Variants in PIK3C2B observed in about 807,000 individuals in gnomAD.
The protein encoded by PIK3C2B is phosphatidylinositol 4-phosphate 3-kinase C2 domain-containing subunit beta.
PIK3C2B carries 83 observed loss-of-function variants against 184.3 expected under a neutral mutation model. That is an observed-to-expected ratio of 0.45 (90% confidence interval 0.38 to 0.54). The LOEUF is 0.54. Among genes scored for constraint, PIK3C2B ranks in the 20% least tolerant of loss-of-function variants. The probability of loss-of-function intolerance (pLI) is 0.00; values close to 1 mark genes in which losing one functional copy is unlikely to be tolerated. For synonymous variants in PIK3C2B, 779 were observed against 837.6 expected (o/e 0.93, Z 1.21); for missense variants, 1,736 against 2,113.5 (o/e 0.82, Z 3.50).
intron 1 of PIK3C2B, among the ~76,000 whole-genome samples, chr1:204,478,018 G>A (rs908085064): frequency 7.2e-5 from 11 of 152,132 alleles, no homozygotes; most frequent in African/African-American, 2.4e-4. Context: ...AAGCAAGGCG[G>A]TGAAGAATAT....
Position 204,450,023 on chromosome 1 carries a change from G to C in PIK3C2B, c.2067-6C>G. On this transcript the variant is annotated splice_region_variant and splice_polypyrimidine_tract_variant and intron_variant, in intron 12 of 32. Coordinates refer to ENST00000684373, the MANE Select transcript of PIK3C2B (RefSeq NM_001377334.1). ...CCTGCACTGGGAAGCAGATCCTATG[G>C]AGGACAGGAAGTCAAATTAGGAGGG... 6.5e-7 allele frequency: 1 copy of C among 1,549,392 alleles called. No individual in the cohort carries two copies. The highest frequency in any genetic ancestry group is 8.7e-7 in the Non-Finnish European group (1 of 1,145,350).
chr1:204,491,827 A>T (rs1658033912), intron 1 of PIK3C2B, among the ~76,000 whole-genome samples: 1 of 152,196 alleles, frequency 6.6e-6, no homozygotes, highest in South Asian at 2.1e-4. Context: ...GACATCAGTG[A>T]GTGTTAGTGA....
At chr1:204,458,007 G>T in intron 8 of PIK3C2B, 133 bp from the exon 9 acceptor site, 1 of 702,476 alleles carries the variant, frequency 1.4e-6, no homozygotes, top group Non-Finnish European at 2.3e-6. Context: ...GGGTAAATGT[G>T]CAATACATTT....
At chr1:204,439,638 C>CTA (rs370345262) in intron 22 of PIK3C2B, among the ~76,000 whole-genome samples, 8 of 151,714 alleles carry the variant, frequency 5.3e-5, no homozygotes, top group East Asian at 1.9e-4. Flanking sequence ...CTCTCTCTCT[C>CTA]TATATATATA....
chr1:204,431,840 C>G (rs370648981), intron 27 of PIK3C2B, 47 bp from the exon 28 acceptor site: 3 of 1,612,446 alleles, frequency 1.9e-6, no homozygotes, highest in African/African-American at 1.3e-5. Context: ...CCCTCTGCAC[C>G]CAGTGAAGGG....
chr1:204,444,979 T>C (rs1357247345), intron 16 of PIK3C2B, among the ~76,000 whole-genome samples: 1 of 151,986 alleles, frequency 6.6e-6, no homozygotes, highest in Non-Finnish European at 1.5e-5. Flanking sequence ...TGGCGAGAAA[T>C]AAGCAGGAAA....
intron 1 of PIK3C2B, chr1:204,489,933 T>C: frequency 2.5e-6 from 1 of 395,886 alleles, no homozygotes; most frequent in Admixed American, 4.5e-5. Flanking sequence ...GGACGCCATC[T>C]AGTATGAGAG....
At position 204,433,786 on chromosome 1, in the gene PIK3C2B, T is replaced by C; in HGVS notation, c.3843+7A>G. ...GAAGGTATTCGGAAAGGGATGGAGC[T>C]CCTCACCAGGCCCAGAAGGTTGAGG... is the stretch of plus-strand genomic sequence containing the variant. On this transcript the variant is annotated splice_region_variant and intron_variant, in intron 25 of 32. Coordinates refer to ENST00000684373, the MANE Select transcript of PIK3C2B (RefSeq NM_001377334.1). This position sits in a 1 kb window ranked among gnomAD's most constrained non-coding sequence, Gnocchi z 5.0. 6.3e-7 allele frequency: 1 copy of C among 1,599,366 alleles called. No individual in the cohort carries two copies. The highest frequency in any genetic ancestry group is 8.6e-7 in the Non-Finnish European group (1 of 1,167,186).
At position 204,466,988 on chromosome 1, in the gene PIK3C2B, G is replaced by C. The variant is rs79820783; in HGVS notation, c.934-1669C>G. 4.7e-4 allele frequency: 241 copies of C among 516,404 alleles called. 3 individuals are homozygous for C. In the East Asian group the frequency reaches 0.013, roughly 27 times the overall value. The allele number at this position is 516,404 out of a possible 1,614,324, so 32.0% of individuals were successfully genotyped here. On this transcript the variant is annotated intron_variant, in intron 2 of 32. Coordinates refer to ENST00000684373, the MANE Select transcript of PIK3C2B (RefSeq NM_001377334.1). ...AGGGCCCAAGGGGTCCCCCCTCCCAGCAGGCTGAGCCCCTGCAACAAGCTG... is the reference window on the plus strand; with the variant it reads ...AGGGCCCAAGGGGTCCCCCCTCCCACCAGGCTGAGCCCCTGCAACAAGCTG...
At chr1:204,427,188 C>A (rs903820864) in intron 31 of PIK3C2B, among the ~76,000 whole-genome samples, 3 of 151,922 alleles carry the variant, frequency 2.0e-5, no homozygotes, top group African/African-American at 7.3e-5. Context: ...TCTTAGAACT[C>A]GTACCAAAAA....
chr1:204,469,574 C>T lies in PIK3C2B; in HGVS notation c.229G>A (p.Asp77Asn), dbSNP rs756332524. ...FYSKPAGRRTDLKLLRGLSGS... is the reference protein window; with the variant it reads ...FYSKPAGRRTNLKLLRGLSGS... ...GAGAGACCGCGTAACAGCTTGAGGT[C>T]GGTCCGCCTTCCTGCTGGCTTGCTG... Residue 77 changes from aspartate to asparagine, a missense_variant, in exon 2 of 33, where the codon GAC becomes AAC. Asp to Asn is a conservative substitution (Grantham distance 23, BLOSUM62 1). Coordinates refer to ENST00000684373, the MANE Select transcript of PIK3C2B (RefSeq NM_001377334.1). The T allele has an allele frequency of 4.6e-5, 73 of 1,592,568 alleles. No individual in the cohort carries two copies. The highest frequency in any genetic ancestry group is 6.0e-5 in the Non-Finnish European group (70 of 1,168,278).
rs897454773 is a variant in PIK3C2B at position 204,494,091 on chromosome 1, C to T, written c.-85+265G>A. Among the ~76,000 whole-genome samples the T allele has an allele frequency of 2.0e-5, 3 of 151,654 alleles. 1 individual carries two copies. The South Asian group carries it at 6.2e-4, about 32-fold the overall frequency. On this transcript the variant is annotated intron_variant, in intron 1 of 32. Transcript: ENST00000684373. The stretch of plus-strand genomic sequence containing the variant: ...GTTTAGCGAGAAGGGGGTGGGGACG[C>T]GGGTGCCTGGAGCCCCAGAGGCCCT...
Position 204,469,305 on chromosome 1 carries a change from C to G in PIK3C2B, c.498G>C (p.Trp166Cys). 1.3e-6 allele frequency: 2 copies of G among 1,535,954 alleles called. No homozygotes were observed. Among genetic ancestry groups the G allele is most frequent in the Non-Finnish European group, 1.7e-6 (2 of 1,142,980 alleles). Reference protein sequence around the residue: ...PPPLPPRASIWDTPPLPPRKG... With the variant: ...PPPLPPRASICDTPPLPPRKG... ...TTCTGGGAGGCAGGGGAGGGGTATC[C>G]CAGATAGAAGCTCGGGGAGGCAGAG... is the stretch of plus-strand genomic sequence containing the variant. The change falls in exon 2 of 33, where the codon TGG (tryptophan) becomes TGC (cysteine). Residue 166 changes from tryptophan to cysteine, a missense_variant. By Grantham distance (215) the Trp-to-Cys change is radical (BLOSUM62 -2). Coordinates refer to ENST00000684373, the MANE Select transcript of PIK3C2B (RefSeq NM_001377334.1).
rs910177811 is a variant in PIK3C2B at position 204,450,196 on chromosome 1, AC to A, written c.2067-180del. The stretch of plus-strand genomic sequence containing the variant: ...CAGGAGAGGTCCCAAACTAGGCAAA[AC>A]CCCCACTGGATGTTCCCAGAAGCAC... On this transcript the variant is annotated intron_variant, in intron 12 of 32. Coordinates refer to ENST00000684373, the MANE Select transcript of PIK3C2B (RefSeq NM_001377334.1). The A allele has an allele frequency of 1.7e-4, 94 of 549,440 alleles. No homozygotes were observed. In the East Asian group the frequency reaches 2.7e-3, roughly 16 times the overall value. 34.0% of individuals were successfully genotyped at this position (549,440 alleles called of 1,614,324 possible).
intron 10 of PIK3C2B, 37 bp from the exon 11 acceptor site, chr1:204,456,088 G>A (rs1397083247): frequency 3.2e-6 from 5 of 1,543,814 alleles, no homozygotes; most frequent in Non-Finnish European, 3.6e-6. Context: ...AAGTCATGAG[G>A]CCTCCACAAG....
In PIK3C2B at chr1:204,444,349, G is replaced by A. The variant is rs374899741; in HGVS notation, c.2754C>T (p.Tyr918=). The A allele has an allele frequency of 1.2e-6, 2 of 1,613,638 alleles. No homozygotes were observed. The change falls in exon 17 of 33, where the codon TAC becomes TAT. Residue 918 remains tyrosine (Y), a synonymous_variant. Coordinates refer to ENST00000684373, the MANE Select transcript of PIK3C2B (RefSeq NM_001377334.1). ...GSLSDAELLD[Y]LPQLVQALKY... is the part of the protein sequence containing the mutation. ...CACCCACCTGTACCAGCTGGGGCAG[G>A]TAGTCTAGCAGCTCAGCATCTGAGA... is the stretch of plus-strand genomic sequence containing the variant.
intron 1 of PIK3C2B, among the ~76,000 whole-genome samples, chr1:204,472,147 A>T (rs922098290): frequency 6.8e-6 from 1 of 146,834 alleles, no homozygotes; most frequent in African/African-American, 2.5e-5. Flanking sequence ...CAGCTGCAAC[A>T]TTAGCAACAC....
intron 8 of PIK3C2B, 43 bp downstream of exon 8, chr1:204,459,835 G>A (rs889464160): frequency 6.5e-7 from 1 of 1,528,908 alleles, no homozygotes; most frequent in African/African-American, 1.4e-5. Context: ...GGGGAGAGGA[G>A]GAGCTTTCGG....
chr1:204,479,106 G>C (rs924062514), intron 1 of PIK3C2B, among the ~76,000 whole-genome samples: 1 of 152,222 alleles, frequency 6.6e-6, no homozygotes, highest in Non-Finnish European at 1.5e-5. Context: ...TTTGATTGCA[G>C]GGTCAGGAAC....
Sources: gnomAD v4.1 joint callset for allele counts (sites outside exome capture counted in the v4.1 genomes callset) on GRCh38, gnomAD v4.1.1 for gene constraint, Gnocchi (gnomAD v3.1) non-coding constraint, MANE v1.5 for transcripts, NCBI Gene and HGNC (gene_info 2026-07-23, HGNC 2026-07-21) for gene names.